WDR25: variants seen among roughly 807,000 people sequenced by gnomAD.
The protein encoded by WDR25 is WD repeat domain 25, also known as WD repeat-containing protein 25.
A neutral mutation model predicts 47.7 loss-of-function variants in WDR25; 35 were observed. The observed-to-expected ratio is 0.73, with a 90% CI of 0.56 to 0.97. The LOEUF (loss-of-function observed/expected upper bound fraction) is 0.97, where lower values mean the gene tolerates loss of function less well. Among genes scored for constraint, WDR25 ranks in the 50% least tolerant of loss-of-function variants. The pLI is 0.00. For synonymous variants in WDR25, 248 were observed against 278.9 expected (o/e 0.89, Z 1.10); for missense variants, 634 against 704.7 (o/e 0.90, Z 1.14).
At chr14:100,519,627 A>G (rs538793138) in intron 4 of WDR25, among the ~76,000 whole-genome samples, 2 of 148,950 alleles carry the variant, frequency 1.3e-5, no homozygotes, top group South Asian at 2.1e-4. Context: ...ATATCTATAT[A>G]TAGTCTTTGT....
chr14:100,377,172 G>T (rs1896716758), intron 1 of WDR25, among the ~76,000 whole-genome samples: 1 of 152,220 alleles, frequency 6.6e-6, no homozygotes, highest in Non-Finnish European at 1.5e-5. Context: ...TCGGGACCAG[G>T]CTTAGCATTT....
Position 100,427,505 on chromosome 14 carries a change from A to G in WDR25, c.823-40516A>G, listed in dbSNP as rs150369916. Among the ~76,000 whole-genome samples the G allele has an allele frequency of 1.8e-4, 28 of 152,286 alleles. No homozygotes were observed. In the East Asian group the frequency reaches 4.6e-3, roughly 25 times the overall value. On this transcript the variant is annotated intron_variant, in intron 2 of 6. Transcript: ENST00000402312. ...ACACGGTGCCTTGGAGGAAGGTGCC[A>G]TCTCTGTGAGGCAAGAGTCCTGGTG...
intron 2 of WDR25, among the ~76,000 whole-genome samples, chr14:100,402,217 A>G (rs1897400321): frequency 6.6e-6 from 1 of 152,206 alleles, no homozygotes; most frequent in African/African-American, 2.4e-5. Flanking sequence ...GTCAAAAGGT[A>G]GTGACATCTT....
chr14:100,385,460 A>C (rs774085868), intron 2 of WDR25, among the ~76,000 whole-genome samples: 1 of 152,216 alleles, frequency 6.6e-6, no homozygotes, highest in African/African-American at 2.4e-5. Flanking sequence ...CAACTTATTA[A>C]TCTAAAGAAC....
chr14:100,426,281 T>C (rs577827465), intron 2 of WDR25, among the ~76,000 whole-genome samples: 1 of 152,362 alleles, frequency 6.6e-6, no homozygotes, highest in South Asian at 2.1e-4. Flanking sequence ...TTGTTTTTCT[T>C]TTTTTGTGCT....
In WDR25 at chr14:100,488,661, A is replaced by G. The variant is rs2140328075; in HGVS notation, c.1101+4537A>G. Reference sequence around the variant, plus strand: ...GGTCCAGGTTGGGATAAGATCCTGCATTTCTAACAAGCTCCCAGGAAATGA... The same window carrying G: ...GGTCCAGGTTGGGATAAGATCCTGCGTTTCTAACAAGCTCCCAGGAAATGA... On this transcript the variant is annotated intron_variant, in intron 4 of 6. Transcript: ENST00000402312. This position sits in a 1 kb window ranked among gnomAD's most constrained non-coding sequence, Gnocchi z 4.2. 6.6e-6 allele frequency among the ~76,000 whole-genome samples: 1 copy of G among 152,256 alleles called. No homozygotes were observed. Among genetic ancestry groups the G allele is most frequent in the South Asian group, 2.1e-4 (1 of 4,822 alleles).
chr14:100,479,824 C>T (rs1900140619), intron 3 of WDR25, among the ~76,000 whole-genome samples: 1 of 152,138 alleles, frequency 6.6e-6, no homozygotes, highest in African/African-American at 2.4e-5. Context: ...GCTCCTTCTC[C>T]TGTCAGATCA....
intron 2 of WDR25, among the ~76,000 whole-genome samples, chr14:100,391,376 C>T (rs914188133): frequency 2.0e-5 from 3 of 152,188 alleles, no homozygotes; most frequent in South Asian, 4.1e-4. Context: ...TAAGGAGCAG[C>T]GCCGCGGTCC....
rs142617936 is a variant in WDR25, at chr14:100,396,503, G to T, written c.822+14757G>T. On this transcript the variant is annotated intron_variant, in intron 2 of 6. Coordinates refer to ENST00000402312, the MANE Select transcript of WDR25 (RefSeq NM_001161476.3). Reference sequence around the variant, plus strand: ...GAGCTGACTGCTGTTCCCAGCTGGTGCCTTGCGTCTTGTTCTGTGTGCTGT... The same window carrying T: ...GAGCTGACTGCTGTTCCCAGCTGGTTCCTTGCGTCTTGTTCTGTGTGCTGT... 8.5e-5 allele frequency among the ~76,000 whole-genome samples: 13 copies of T among 152,348 alleles called. No homozygotes were observed. The East Asian group carries it at 2.5e-3, about 29-fold the overall frequency.
At chr14:100,483,919 T>TG in intron 3 of WDR25, 75 bp from the exon 4 acceptor site, 1 of 1,514,856 alleles carries the variant, frequency 6.6e-7, no homozygotes, top group African/African-American at 1.4e-5. Flanking sequence ...CCATACCAGA[T>TG]GGCATCTTAG....
At chr14:100,446,200 G>T (rs1898827460) in intron 2 of WDR25, among the ~76,000 whole-genome samples, 1 of 152,190 alleles carries the variant, frequency 6.6e-6, no homozygotes, top group African/African-American at 2.4e-5. Context: ...GGGTCCTGCG[G>T]TGGTGGTCAC....
At chr14:100,459,910 A>G (rs373788799) in intron 2 of WDR25, among the ~76,000 whole-genome samples, 27,289 of 90,102 alleles carry the variant, frequency 0.3, 4,475 homozygotes, top group Admixed American at 0.42. Flanking sequence ...ATATATATAT[A>G]TATATATATA....
rs770441565 is a variant in WDR25 at position 100,468,584 on chromosome 14, G to A, written c.970+416G>A. Among the ~76,000 whole-genome samples the A allele has an allele frequency of 6.6e-6, 1 of 152,216 alleles. No individual in the cohort carries two copies. Among genetic ancestry groups the A allele is most frequent in the Non-Finnish European group, 1.5e-5 (1 of 68,042 alleles). ...GAAATGATTCCAGCTCATAAGGAAA[G>A]TCTTCAAACGAGTTCTGCTTTAATG... On this transcript the variant is annotated intron_variant, in intron 3 of 6. Transcript: ENST00000402312. This position sits in a 1 kb window ranked among gnomAD's most constrained non-coding sequence, Gnocchi z 4.5.
intron 4 of WDR25, among the ~76,000 whole-genome samples, chr14:100,520,667 A>G (rs944781142): frequency 6.6e-6 from 1 of 152,270 alleles, no homozygotes; most frequent in Admixed American, 6.5e-5. Context: ...CTGGAAGAAG[A>G]CAATGCATTT....
At position 100,502,717 on chromosome 14, in the gene WDR25, G is replaced by A. The variant is rs1229964853; in HGVS notation, c.1101+18593G>A. Among the ~76,000 whole-genome samples the A allele has an allele frequency of 6.6e-6, 1 of 152,092 alleles. No homozygotes were observed. The highest frequency in any genetic ancestry group is 6.5e-5 in the Admixed American group (1 of 15,274). ...CACAGAGTACATCGTGATGGGAACT[G>A]CTTGGGGGCTAATGAAAGACTCACA... On this transcript the variant is annotated intron_variant, in intron 4 of 6. Transcript: ENST00000402312. The surrounding 1 kb of genome is among the most constrained non-coding windows in gnomAD (Gnocchi z 4.5).
At chr14:100,436,643 G>T (rs1281414231) in intron 2 of WDR25, among the ~76,000 whole-genome samples, 1 of 152,176 alleles carries the variant, frequency 6.6e-6, no homozygotes, top group Admixed American at 6.5e-5. Context: ...GGTGTCTCTT[G>T]GGTCGTGGAG....
At position 100,449,385 on chromosome 14, in the gene WDR25, G is replaced by A. The variant is rs1243285112; in HGVS notation, c.823-18636G>A. Reference sequence around the variant, plus strand: ...TGGGAGCAGAGACAGCCTGGCACTGGCCTGTGGCGGTTGCCATGGCAGCAG... The same window carrying A: ...TGGGAGCAGAGACAGCCTGGCACTGACCTGTGGCGGTTGCCATGGCAGCAG... On this transcript the variant is annotated intron_variant, in intron 2 of 6. Coordinates refer to ENST00000402312, the MANE Select transcript of WDR25 (RefSeq NM_001161476.3). The surrounding 1 kb of genome is among the most constrained non-coding windows in gnomAD (Gnocchi z 4.2). Among the ~76,000 whole-genome samples, 1 of 152,238 alleles carries A rather than the reference G, an allele frequency of 6.6e-6. No individual in the cohort carries two copies. The highest frequency in any genetic ancestry group is 2.4e-5 in the African/African-American group (1 of 41,476).
chr14:100,452,705 G>A (rs1566916659), intron 2 of WDR25, among the ~76,000 whole-genome samples: 1 of 152,132 alleles, frequency 6.6e-6, no homozygotes, highest in Non-Finnish European at 1.5e-5. Flanking sequence ...GGGGTGGGGG[G>A]CTATAACTCG....
At position 100,499,943 on chromosome 14, in the gene WDR25, C is replaced by T. The variant is rs1263447939; in HGVS notation, c.1101+15819C>T. Among the ~76,000 whole-genome samples the T allele has an allele frequency of 5.3e-5, 8 of 152,168 alleles. No individual in the cohort carries two copies. In the East Asian group the frequency reaches 1.3e-3, roughly 26 times the overall value. ...GTGGGATACAAGGACTGGAAATTGA[C>T]ACCAGATAGCTCTGTCTGGTGGGGA... On this transcript the variant is annotated intron_variant, in intron 4 of 6. Coordinates refer to ENST00000402312, the MANE Select transcript of WDR25 (RefSeq NM_001161476.3). The surrounding 1 kb of genome is among the most constrained non-coding windows in gnomAD (Gnocchi z 4.4).
Sources: gnomAD v4.1 joint callset for allele counts (sites outside exome capture counted in the v4.1 genomes callset) on GRCh38, gnomAD v4.1.1 for gene constraint, Gnocchi (gnomAD v3.1) non-coding constraint, MANE v1.5 for transcripts, NCBI Gene and HGNC (gene_info 2026-07-23, HGNC 2026-07-21) for gene names.